The following C1orf87 variants were observed in gnomAD, a reference collection of about 807,000 sequenced individuals.
The protein encoded by C1orf87 is uncharacterized protein C1orf87.
In C1orf87, 58 loss-of-function variants were observed where a neutral mutation model predicts 60.5. The observed-to-expected ratio is 0.96, with a 90% confidence interval of 0.78 to 1.19. The LOEUF (loss-of-function observed/expected upper bound fraction) is 1.19, where lower values mean the gene tolerates loss of function less well. Ranked by LOEUF, C1orf87 falls within the 50% of genes most tolerant of loss-of-function variation. The pLI is 0.00. For synonymous variants in C1orf87, 236 were observed against 227.4 expected, an observed-to-expected ratio of 1.04 and a Z score of -0.34; for missense variants, 673 against 638.6, an observed-to-expected ratio of 1.05 and a Z score of -0.58.
At chr1:60,007,974 C>A (rs1009980041) in intron 9 of C1orf87, among the ~76,000 whole-genome samples, 1 of 152,012 alleles carries the variant, frequency 6.6e-6, no homozygotes, top group Non-Finnish European at 1.5e-5. Flanking sequence ...GCCCCTCCTT[C>A]ACTTTGATAA....
chr1:60,008,473 C>G (rs1645061053), intron 9 of C1orf87, among the ~76,000 whole-genome samples: 1 of 151,938 alleles, frequency 6.6e-6, no homozygotes, highest in South Asian at 2.1e-4. Context: ...CAAAATCTGA[C>G]TGTATTTGGA....
At chr1:59,993,756 C>CTTTTT (rs768907279) in intron 11 of C1orf87, among the ~76,000 whole-genome samples, 1 of 129,214 alleles carries the variant, frequency 7.7e-6, no homozygotes, top group Non-Finnish European at 1.7e-5. Context: ...AATAAGAATC[C>CTTTTT]TTTTTTTTTT....
intron 2 of C1orf87, among the ~76,000 whole-genome samples, chr1:60,056,886 G>A (rs898342433): frequency 9.2e-5 from 14 of 152,240 alleles, no homozygotes; most frequent in African/African-American, 2.6e-4. Flanking sequence ...AGCATATCAT[G>A]TTATCTAAAT....
rs144724019 is a variant in C1orf87, at chr1:60,048,658, T to C, written c.342+6546A>G. ...CTACAAAACAAGACATTCAGAGAAG[T>C]ATGGTTTCTATTTTTTATCCATTCA... On this transcript the variant is annotated intron_variant, in intron 3 of 11. Transcript: ENST00000371201. 3.2e-3 allele frequency among the ~76,000 whole-genome samples: 492 copies of C among 152,224 alleles called. 3 individuals are homozygous for C. Among genetic ancestry groups the C allele is most frequent in the African/African-American group, 0.011 (456 of 41,562 alleles).
intron 3 of C1orf87, among the ~76,000 whole-genome samples, chr1:60,044,263 C>G (rs1250667414): frequency 6.6e-6 from 1 of 152,150 alleles, no homozygotes; most frequent in African/African-American, 2.4e-5. Context: ...AACTCCTGAC[C>G]TCGTGATCTG....
At chr1:60,068,162 C>T (rs1645561406) in intron 2 of C1orf87, among the ~76,000 whole-genome samples, 1 of 152,134 alleles carries the variant, frequency 6.6e-6, no homozygotes, top group African/African-American at 2.4e-5. Context: ...GTGTGCAGTA[C>T]TCCACTGAGT....
At position 60,009,820 on chromosome 1, in the gene C1orf87, T is replaced by G. The variant is rs572346734; in HGVS notation, c.1192+572A>C. Among the ~76,000 whole-genome samples the G allele has an allele frequency of 3.0e-4, 45 of 152,178 alleles. No individual in the cohort carries two copies. The Middle Eastern group carries it at 0.01, about 35-fold the overall frequency. On this transcript the variant is annotated intron_variant, in intron 9 of 11. Transcript: ENST00000371201. ...TATTTTCCCCAATGCATCGTTACAA[T>G]TTTCACTTAATAATATGTCTTGGAA...
At chr1:60,023,163 T>C (rs1336407703) in intron 8 of C1orf87, among the ~76,000 whole-genome samples, 2 of 152,166 alleles carry the variant, frequency 1.3e-5, no homozygotes, top group African/African-American at 2.4e-5. Context: ...CAATGAACTT[T>C]TGCATGGTTT....
At chr1:60,012,689 G>A (rs1264090756) in intron 8 of C1orf87, among the ~76,000 whole-genome samples, 1 of 152,104 alleles carries the variant, frequency 6.6e-6, no homozygotes, top group African/African-American at 2.4e-5. Context: ...AGGCAGACCT[G>A]ATTTCGAATC....
At chr1:60,019,876 A>T (rs1292383372) in intron 8 of C1orf87, among the ~76,000 whole-genome samples, 2 of 152,194 alleles carry the variant, frequency 1.3e-5, no homozygotes, top group African/African-American at 4.8e-5. Flanking sequence ...GCTGTTTCTA[A>T]AAGTGTACAG....
intron 3 of C1orf87, among the ~76,000 whole-genome samples, chr1:60,044,674 C>G (rs954826494): frequency 5.3e-5 from 8 of 152,082 alleles, no homozygotes; most frequent in African/African-American, 1.9e-4. Context: ...ATTTAAGTCA[C>G]CTGGGGCTGT....
intron 7 of C1orf87, among the ~76,000 whole-genome samples, chr1:60,027,870 A>G (rs1194933494): frequency 6.6e-6 from 1 of 152,164 alleles, no homozygotes; most frequent in Non-Finnish European, 1.5e-5. Context: ...ATATTTTGAC[A>G]TTATCTGTTC....
intron 8 of C1orf87, among the ~76,000 whole-genome samples, chr1:60,020,239 G>T (rs1448100134): frequency 6.6e-6 from 1 of 152,170 alleles, no homozygotes; most frequent in African/African-American, 2.4e-5. Flanking sequence ...AGTTGCTCCA[G>T]CTCCAGCTGT....
At chr1:60,006,412 G>C (rs1413353635) in intron 9 of C1orf87, among the ~76,000 whole-genome samples, 5 of 152,036 alleles carry the variant, frequency 3.3e-5, no homozygotes, top group East Asian at 1.9e-4. Context: ...GTTCTAATTA[G>C]TAACTAGTAT....
At position 60,035,546 on chromosome 1, in the gene C1orf87, T is replaced by C. The variant is rs548782034; in HGVS notation, c.864-1905A>G. On this transcript the variant is annotated intron_variant, in intron 6 of 11. Transcript: ENST00000371201. ...ATGAGAAGAGGATTTTCCTGATCCA[T>C]ACCTTAATTAACAAATAGCCTGGCT... Among the ~76,000 whole-genome samples the C allele has an allele frequency of 5.4e-4, 83 of 152,330 alleles. 1 individual carries two copies. Among genetic ancestry groups the C allele is most frequent in the Non-Finnish European group, 9.0e-4 (61 of 68,030 alleles).
At chr1:60,032,982 A>G (rs1645249837) in intron 7 of C1orf87, among the ~76,000 whole-genome samples, 1 of 152,194 alleles carries the variant, frequency 6.6e-6, no homozygotes, top group Non-Finnish European at 1.5e-5. Flanking sequence ...ATTTGGCTTC[A>G]GAAGTTCCAT....
At chr1:60,056,989 A>G (rs1574325952) in intron 2 of C1orf87, among the ~76,000 whole-genome samples, 1 of 152,324 alleles carries the variant, frequency 6.6e-6, no homozygotes, top group African/African-American at 2.4e-5. Flanking sequence ...GAATATATGT[A>G]TATTTTTATA....
chr1:60,003,740 T>G (rs2100246417), intron 9 of C1orf87, among the ~76,000 whole-genome samples: 1 of 152,182 alleles, frequency 6.6e-6, no homozygotes, highest in Non-Finnish European at 1.5e-5. Context: ...AATTAAATAC[T>G]CAATGAATAC....
chr1:60,030,182 A>G (rs939954943), intron 7 of C1orf87, among the ~76,000 whole-genome samples: 2 of 152,230 alleles, frequency 1.3e-5, no homozygotes, highest in African/African-American at 2.4e-5. Flanking sequence ...GCCTACCACA[A>G]TGCCCAGAAC....
Sources: gnomAD v4.1 joint callset for allele counts (sites outside exome capture counted in the v4.1 genomes callset) on GRCh38, gnomAD v4.1.1 for gene constraint, MANE v1.5 for transcripts, NCBI Gene and HGNC (gene_info 2026-07-23, HGNC 2026-07-21) for gene names.